UNC13C: variants seen among roughly 807,000 people sequenced by gnomAD.
UNC13C encodes unc-13 homolog C.
In UNC13C, 174 loss-of-function variants were observed where a neutral mutation model predicts 245.4. The ratio of observed to expected loss-of-function variants is 0.71; its 90% CI spans 0.63 to 0.80. The LOEUF is 0.80. UNC13C is among the 30% of genes least tolerant of loss of function. The pLI is 0.00. For missense variants in UNC13C, 2,829 were observed against 2,602.9 expected (o/e 1.09, Z -1.89); for synonymous variants, 992 against 895.1 (o/e 1.11, Z -1.93).
At chr15:54,550,303 G>A (rs1428174564) in intron 28 of UNC13C, among the ~76,000 whole-genome samples, 1 of 152,050 alleles carries the variant, frequency 6.6e-6, no homozygotes, top group African/African-American at 2.4e-5. Flanking sequence ...ATGGGCCAAA[G>A]TATTTAACCT....
chr15:54,444,003 C>T (rs1243252329), intron 19 of UNC13C, among the ~76,000 whole-genome samples: 10 of 151,200 alleles, frequency 6.6e-5, no homozygotes, highest in Middle Eastern at 3.4e-3. Flanking sequence ...CAGTAAGTTC[C>T]CTACCATTAT....
the UNC13C span, among the ~76,000 whole-genome samples, chr15:53,874,268 C>G: frequency 3.3e-5 from 5 of 151,724 alleles, no homozygotes; most frequent in Non-Finnish European, 7.4e-5. Flanking sequence ...TACAAAGTAC[C>G]TTAATACATT....
chr15:54,420,495 A>G (rs57226140), intron 19 of UNC13C, among the ~76,000 whole-genome samples: 16,638 of 151,800 alleles, frequency 0.11, 1,186 homozygotes, highest in African/African-American at 0.2. Context: ...CAGCTTGTTC[A>G]GTGTGGGAGA....
intron 30 of UNC13C, among the ~76,000 whole-genome samples, chr15:54,605,521 C>A (rs11071093): frequency 0.46 from 69,815 of 151,926 alleles, 16,752 homozygotes; most frequent in East Asian, 0.61. Context: ...ACCTACAGCC[C>A]TTTTTTAAAA....
At chr15:54,024,009 A>G (rs1896003255) in intron 2 of UNC13C, among the ~76,000 whole-genome samples, 1 of 152,222 alleles carries the variant, frequency 6.6e-6, no homozygotes, top group Non-Finnish European at 1.5e-5. Context: ...GTGTGGAATA[A>G]GATAAACTCT....
At position 54,627,938 on chromosome 15, in the gene UNC13C, T is replaced by TAATA. The variant is rs1483314645; in HGVS notation, c.*826_*829dup. 4.6e-5 allele frequency: 7 copies of TAATA among 152,692 alleles called. No individual in the cohort carries two copies. The East Asian group carries it at 9.6e-4, about 21-fold the overall frequency. The allele number at this position is 152,692 out of a possible 1,614,324, so 9.5% of individuals were successfully genotyped here. On this transcript the variant is annotated 3_prime_UTR_variant, in exon 33 of 33. Transcript: ENST00000260323. ...AAATACCTGTAAGTAACTATATTGT[T>TAATA]AATATCTTCCCTCTGACAGTTATGA...
intron 4 of UNC13C, among the ~76,000 whole-genome samples, chr15:54,214,553 G>C (rs1375183820): frequency 6.6e-6 from 1 of 151,932 alleles, no homozygotes; most frequent in Admixed American, 6.6e-5. Flanking sequence ...ATTTTCATTA[G>C]TGATAGAAGA....
chr15:54,057,557 C>T (rs547715707), intron 2 of UNC13C, among the ~76,000 whole-genome samples: 2 of 152,132 alleles, frequency 1.3e-5, no homozygotes, highest in African/African-American at 2.4e-5. Flanking sequence ...ATCAACAAGA[C>T]AGAAAGTTAA....
intron 3 of UNC13C, among the ~76,000 whole-genome samples, chr15:54,143,380 T>C (rs1320921401): frequency 6.6e-6 from 1 of 152,178 alleles, no homozygotes; most frequent in Non-Finnish European, 1.5e-5. Context: ...AAATAGTACT[T>C]GGAATATGAC....
At chr15:53,928,419 C>T in the UNC13C span, among the ~76,000 whole-genome samples, 1 of 152,182 alleles carries the variant, frequency 6.6e-6, no homozygotes, top group East Asian at 1.9e-4. Flanking sequence ...CCTGGGCGAG[C>T]CAGGTGTTCC....
chr15:54,518,533 G>C (rs888492545), intron 24 of UNC13C, among the ~76,000 whole-genome samples: 27 of 152,296 alleles, frequency 1.8e-4, no homozygotes, highest in South Asian at 4.1e-4. Context: ...TCATTATCTT[G>C]TTGTGATCAC....
At chr15:53,939,783 G>A in the UNC13C span, among the ~76,000 whole-genome samples, 102 of 151,038 alleles carry the variant, frequency 6.8e-4, 2 homozygotes, top group South Asian at 1.5e-3. Context: ...AATAAAATTT[G>A]TCATTGTAAG....
In UNC13C at chr15:54,401,676, A is replaced by G. The variant is rs947218362; in HGVS notation, c.4847+8495A>G. Among the ~76,000 whole-genome samples, 7 of 152,012 alleles carry G rather than the reference A, an allele frequency of 4.6e-5. No homozygotes were observed. In the East Asian group the frequency reaches 1.4e-3, roughly 29 times the overall value. On this transcript the variant is annotated intron_variant, in intron 18 of 32. Coordinates refer to ENST00000260323, the MANE Select transcript of UNC13C (RefSeq NM_001080534.3). ...AAAGGATACTTGGAAGGAAAAGCAGATACAAGAATAGCAGAGTCACGTACT... is the reference window on the plus strand; with the variant it reads ...AAAGGATACTTGGAAGGAAAAGCAGGTACAAGAATAGCAGAGTCACGTACT...
chr15:53,847,233 G>A, the UNC13C span, among the ~76,000 whole-genome samples: 1 of 152,116 alleles, frequency 6.6e-6, no homozygotes, highest in Non-Finnish European at 1.5e-5. Context: ...AGCTGAACTT[G>A]CAGGTTTTTA....
chr15:54,237,297 G>T (rs1250503190), intron 6 of UNC13C, among the ~76,000 whole-genome samples: 3 of 152,146 alleles, frequency 2.0e-5, no homozygotes, highest in African/African-American at 7.2e-5. Context: ...TGAGGAATAA[G>T]AAAGTTTGAG....
intron 2 of UNC13C, among the ~76,000 whole-genome samples, chr15:54,084,061 G>A (rs1490848633): frequency 6.6e-6 from 1 of 152,212 alleles, no homozygotes; most frequent in African/African-American, 2.4e-5. Flanking sequence ...CCACAGAGGT[G>A]AGGGGAGCAG....
intron 30 of UNC13C, among the ~76,000 whole-genome samples, chr15:54,572,857 G>T (rs1424620723): frequency 6.6e-6 from 1 of 152,180 alleles, no homozygotes; most frequent in East Asian, 1.9e-4. Flanking sequence ...AGAAATCTAA[G>T]TGCACTTTTA....
chr15:54,555,536 A>G, intron 29 of UNC13C, 24 bp downstream of exon 29: 1 of 1,580,790 alleles, frequency 6.3e-7, no homozygotes, highest in East Asian at 2.3e-5. Flanking sequence ...GCTCCTATAT[A>G]TACATCGAGA....
At chr15:54,469,496 C>T (rs558312592) in intron 19 of UNC13C, among the ~76,000 whole-genome samples, 1 of 151,498 alleles carries the variant, frequency 6.6e-6, no homozygotes, top group Admixed American at 6.6e-5. Context: ...TCCAGGACCC[C>T]CTGTAGATAC....
Sources: gnomAD v4.1 joint callset for allele counts (sites outside exome capture counted in the v4.1 genomes callset) on GRCh38, gnomAD v4.1.1 for gene constraint, MANE v1.5 for transcripts, NCBI Gene and HGNC (gene_info 2026-07-23, HGNC 2026-07-21) for gene names.